SGPP2: variants seen among roughly 807,000 people sequenced by gnomAD.
SGPP2 encodes sphingosine 1-phosphate phosphohydrolase 2.
A neutral mutation model predicts 33.9 loss-of-function variants in SGPP2; 30 were observed. That is an observed-to-expected ratio of 0.89 (90% CI 0.66 to 1.20). The LOEUF (loss-of-function observed/expected upper bound fraction) is 1.20, where lower values mean the gene tolerates loss of function less well. SGPP2 is among the 50% of genes most tolerant of loss of function. The pLI is 0.00. For synonymous variants in SGPP2, 233 were observed against 225.0 expected (o/e 1.04, Z -0.32); for missense variants, 458 against 532.1 (o/e 0.86, Z 1.37).
intron 4 of SGPP2, among the ~76,000 whole-genome samples, chr2:222,553,309 A>C (rs1689329654): frequency 6.6e-6 from 1 of 152,228 alleles, no homozygotes; most frequent in Non-Finnish European, 1.5e-5. Flanking sequence ...CTGTACATAA[A>C]ACAAATGCAA....
chr2:222,534,027 A>C (rs1698878254), intron 4 of SGPP2, among the ~76,000 whole-genome samples: 3 of 152,154 alleles, frequency 2.0e-5, no homozygotes, highest in Admixed American at 6.5e-5. Flanking sequence ...GTTCTCTAAA[A>C]TAAAGTGCCT....
At chr2:222,528,770 C>T (rs547744430) in intron 4 of SGPP2, among the ~76,000 whole-genome samples, 3 of 152,270 alleles carry the variant, frequency 2.0e-5, no homozygotes, top group South Asian at 2.1e-4. Flanking sequence ...GCATGCACCA[C>T]CACATCTGGC....
intron 1 of SGPP2, among the ~76,000 whole-genome samples, chr2:222,428,903 T>A (rs552661011): frequency 6.7e-6 from 1 of 148,714 alleles, no homozygotes; most frequent in East Asian, 2.1e-4. Flanking sequence ...ACGATTCTCC[T>A]GCCTCAGCCT....
At chr2:222,515,298 G>T (rs1698587231) in intron 2 of SGPP2, among the ~76,000 whole-genome samples, 2 of 152,006 alleles carry the variant, frequency 1.3e-5, no homozygotes, top group Admixed American at 6.6e-5. Context: ...CCAAACATCT[G>T]CTTCTCACAT....
chr2:222,519,238 C>T (rs1698648950), intron 2 of SGPP2, among the ~76,000 whole-genome samples: 2 of 152,318 alleles, frequency 1.3e-5, no homozygotes, highest in Middle Eastern at 3.4e-3. Context: ...CCCCTGTGCA[C>T]ATGAATCACC....
chr2:222,459,949 GA>G (rs1461325856), intron 1 of SGPP2, among the ~76,000 whole-genome samples: 1 of 152,212 alleles, frequency 6.6e-6, no homozygotes, highest in African/African-American at 2.4e-5. Flanking sequence ...GCATTCTTGT[GA>G]AAAGAAATGA....
intron 4 of SGPP2, among the ~76,000 whole-genome samples, chr2:222,552,698 TAAAAATACA>T (rs1197467622): frequency 6.6e-6 from 1 of 152,078 alleles, no homozygotes; most frequent in Non-Finnish European, 1.5e-5. Context: ...CTGTCTCTAC[TAAAAATACA>T]AAATTAGCTG....
chr2:222,430,090 T>TA (rs5838949), intron 1 of SGPP2, among the ~76,000 whole-genome samples: 116,386 of 151,810 alleles, frequency 0.77, 44,737 homozygotes, highest in Middle Eastern at 0.88. Flanking sequence ...GTGCAAAAAA[T>TA]AAAAAAAATA....
chr2:222,425,329 C>T (rs369044258), intron 1 of SGPP2, among the ~76,000 whole-genome samples: 4 of 152,180 alleles, frequency 2.6e-5, no homozygotes, highest in Non-Finnish European at 1.5e-5. Context: ...GCTCACACAG[C>T]TCCTAGAGAG....
intron 2 of SGPP2, among the ~76,000 whole-genome samples, chr2:222,486,193 G>A (rs1698104554): frequency 6.6e-6 from 1 of 152,186 alleles, no homozygotes; most frequent in African/African-American, 2.4e-5. Flanking sequence ...GCCTTAGCCA[G>A]CTGAGGCTAC....
chr2:222,522,005 C>T (rs1253133708), intron 3 of SGPP2, 59 bp downstream of exon 3: 1 of 1,425,020 alleles, frequency 7.0e-7, no homozygotes, highest in Non-Finnish European at 9.3e-7. Context: ...AGAGGCTGCA[C>T]TTCTGAATTT....
intron 4 of SGPP2, among the ~76,000 whole-genome samples, chr2:222,531,772 T>G (rs1559171804): frequency 1.3e-5 from 2 of 152,182 alleles, no homozygotes; most frequent in Non-Finnish European, 2.9e-5. Flanking sequence ...GATTTTAATG[T>G]GCAACCGGGG....
rs1177268467 is a variant in SGPP2, at chr2:222,465,183, C to CCAA, written c.220-9384_220-9383insAAC. Among the ~76,000 whole-genome samples the CCAA allele has an allele frequency of 6.6e-6, 1 of 152,108 alleles. No homozygotes were observed. Among genetic ancestry groups the CCAA allele is most frequent in the African/African-American group, 2.4e-5 (1 of 41,422 alleles). On this transcript the variant is annotated intron_variant, in intron 1 of 4. Coordinates refer to ENST00000321276, the MANE Select transcript of SGPP2 (RefSeq NM_152386.4). The surrounding 1 kb of genome is among the most constrained non-coding windows in gnomAD (Gnocchi z 4.1). ...TCTCAAGCTGACTCCAATAAGTTGT[C>CCAA]CTTACATTTTATTGACTTTCAGTCT...
At chr2:222,468,244 G>A (rs1438267644) in intron 1 of SGPP2, among the ~76,000 whole-genome samples, 4 of 152,062 alleles carry the variant, frequency 2.6e-5, no homozygotes, top group African/African-American at 9.7e-5. Context: ...GGAGCGGCTG[G>A]CCTGGGATAG....
intron 1 of SGPP2, among the ~76,000 whole-genome samples, chr2:222,474,253 A>G (rs1697895465): frequency 6.6e-6 from 1 of 152,236 alleles, no homozygotes; most frequent in Non-Finnish European, 1.5e-5. Flanking sequence ...TAATGTCCTA[A>G]CAGAATTGAC....
chr2:222,495,327 T>C (rs1032393228), intron 2 of SGPP2, among the ~76,000 whole-genome samples: 2 of 152,046 alleles, frequency 1.3e-5, no homozygotes, highest in African/African-American at 4.8e-5. Context: ...GGTGGGAGGA[T>C]TACCTGAGCT....
chr2:222,451,138 G>C (rs1303560812), intron 1 of SGPP2, among the ~76,000 whole-genome samples: 1 of 46,222 alleles, frequency 2.2e-5, no homozygotes, highest in African/African-American at 8.5e-5. Flanking sequence ...CATACAAAAA[G>C]AGAAAAAAAA....
chr2:222,549,471 A>T (rs539068331), intron 4 of SGPP2, among the ~76,000 whole-genome samples: 9 of 152,356 alleles, frequency 5.9e-5, no homozygotes, highest in African/African-American at 2.2e-4. Context: ...TTTGGCTAAG[A>T]ATGAAAACAC....
At chr2:222,455,436 G>A (rs1042844327) in intron 1 of SGPP2, among the ~76,000 whole-genome samples, 7 of 152,110 alleles carry the variant, frequency 4.6e-5, no homozygotes, top group Admixed American at 6.5e-5. Flanking sequence ...AGACATGCTC[G>A]AGTAAGAGGC....
Sources: gnomAD v4.1 joint callset for allele counts (sites outside exome capture counted in the v4.1 genomes callset) on GRCh38, gnomAD v4.1.1 for gene constraint, Gnocchi (gnomAD v3.1) non-coding constraint, MANE v1.5 for transcripts, NCBI Gene and HGNC (gene_info 2026-07-23, HGNC 2026-07-21) for gene names.